RET: variants seen among roughly 807,000 people sequenced by gnomAD.
RET encodes proto-oncogene tyrosine-protein kinase receptor Ret.
In RET, 19 loss-of-function variants were observed where a neutral mutation model predicts 118.3. That is an observed-to-expected ratio of 0.16 (90% CI 0.11 to 0.24). RET has a LOEUF of 0.24. RET is among the 10% of genes least tolerant of loss of function. The pLI, the probability that RET is intolerant of heterozygous loss-of-function variation, is 1.00. For missense variants in RET, 1,219 were observed against 1,502.1 expected, an observed-to-expected ratio of 0.81 and a Z score of 3.12; for synonymous variants, 597 against 644.1, an observed-to-expected ratio of 0.93 and a Z score of 1.11.
intron 15 of RET, 143 bp downstream of exon 15, chr10:43,120,346 G>A (rs1838187518): frequency 1.6e-6 from 2 of 1,240,430 alleles, no homozygotes; most frequent in Non-Finnish European, 2.2e-6. Flanking sequence ...AAATCTTTCT[G>A]ACCCTGGGTC....
Position 43,109,164 on chromosome 10 carries a change from G to A in RET, c.1197G>A (p.Pro399=), listed in dbSNP as rs148371113. 352 of 1,613,820 alleles carry A rather than the reference G, an allele frequency of 2.2e-4. 1 individual carries two copies. The African/African-American group carries it at 3.0e-3, about 14-fold the overall frequency. Residue 399 remains proline, a synonymous_variant, in exon 6 of 20, where the codon CCG becomes CCA. Coordinates refer to ENST00000355710, the MANE Select transcript of RET (RefSeq NM_020975.6). ...LLLHFNVSVL[P]VSLHLPSTYS... is the part of the protein sequence containing the mutation. ...TCCACTTCAACGTGTCGGTGCTGCCGGTCAGCCTGCACCTGCCCAGTACCT... is the reference window on the plus strand; with the variant it reads ...TCCACTTCAACGTGTCGGTGCTGCCAGTCAGCCTGCACCTGCCCAGTACCT...
At chr10:43,125,073 C>G in intron 18 of RET, 91 bp downstream of exon 18, 1 of 1,168,736 alleles carries the variant, frequency 8.6e-7, no homozygotes, top group Non-Finnish European at 1.3e-6. Flanking sequence ...CCTCAGAGTT[C>G]CCAGTGTGGG....
At chr10:43,094,841 G>A (rs922879481) in intron 1 of RET, among the ~76,000 whole-genome samples, 1 of 152,256 alleles carries the variant, frequency 6.6e-6, no homozygotes, top group African/African-American at 2.4e-5. Flanking sequence ...GGGAGAACAA[G>A]TGTATAACAG....
At chr10:43,112,714 G>A in intron 8 of RET, 139 bp from the exon 9 acceptor site, 2 of 724,756 alleles carry the variant, frequency 2.8e-6, no homozygotes, top group Non-Finnish European at 4.9e-6. Context: ...TGCTTCCGCT[G>A]GCAAGGCTCT....
chr10:43,097,529 C>T (rs1411328729), intron 1 of RET, among the ~76,000 whole-genome samples: 1 of 152,146 alleles, frequency 6.6e-6, no homozygotes, highest in Non-Finnish European at 1.5e-5. Context: ...TAGGATGCCA[C>T]ATGGGATTGG....
chr10:43,130,270 A>G lies in RET; in HGVS notation c.*2001A>G. ...TTGTAAAATCTATTTATGAAAGGTC[A>G]TTAAACCAGATCATGTTCCTTTTTT... is the stretch of plus-strand genomic sequence containing the variant. On this transcript the variant is annotated 3_prime_UTR_variant, in exon 20 of 20. Coordinates refer to ENST00000355710, the MANE Select transcript of RET (RefSeq NM_020975.6). 8.2e-6 allele frequency: 3 copies of G among 368,058 alleles called. No homozygotes were observed. The Admixed American group carries it at 1.4e-4, about 17-fold the overall frequency. The allele number at this position is 368,058 out of a possible 1,614,324, so 22.8% of individuals were successfully genotyped here.
At chr10:43,128,076 T>C in intron 19 of RET, 36 bp from the exon 20 acceptor site, 1 of 1,613,532 alleles carries the variant, frequency 6.2e-7, no homozygotes, top group Non-Finnish European at 8.5e-7. Context: ...GTTTTGGTTC[T>C]TCAGTGCAGA....
At chr10:43,126,132 C>G (rs1332881774) in intron 18 of RET, among the ~76,000 whole-genome samples, 2 of 152,198 alleles carry the variant, frequency 1.3e-5, no homozygotes, top group Non-Finnish European at 2.9e-5. Context: ...GGAAAACATC[C>G]TGCAGGCTGG....
At chr10:43,095,095 G>T (rs1373601621) in intron 1 of RET, among the ~76,000 whole-genome samples, 1 of 152,186 alleles carries the variant, frequency 6.6e-6, no homozygotes, top group South Asian at 2.1e-4. Flanking sequence ...CCCCTTCCCA[G>T]CTGGGGTCAG....
intron 1 of RET, among the ~76,000 whole-genome samples, chr10:43,100,058 T>G (rs949071117): frequency 6.6e-5 from 10 of 152,250 alleles, no homozygotes; most frequent in Admixed American, 5.9e-4. Flanking sequence ...GGCGTATGTT[T>G]AGATAAAGAT....
At chr10:43,079,010 ACT>A (rs1317849204) in intron 1 of RET, among the ~76,000 whole-genome samples, 1 of 151,858 alleles carries the variant, frequency 6.6e-6, no homozygotes, top group Non-Finnish European at 1.5e-5. Flanking sequence ...TTCGAGCCGC[ACT>A]CTTGGAGCTG....
chr10:43,122,091 C>T lies in RET; in HGVS notation c.2801+75C>T, dbSNP rs936824560. On this transcript the variant is annotated intron_variant, in intron 16 of 19. Coordinates refer to ENST00000355710, the MANE Select transcript of RET (RefSeq NM_020975.6). ...ATACATGTAGTGGGGCCACGACGCC[C>T]GTCTGTGCAGCTTGGCCAGGGAATT... The T allele has an allele frequency of 3.9e-5, 46 of 1,179,220 alleles. No individual in the cohort carries two copies. In the African/African-American group the frequency reaches 5.4e-4, roughly 14 times the overall value. The allele number at this position is 1,179,220 out of a possible 1,614,324, so 73.0% of individuals were successfully genotyped here.
At chr10:43,083,092 C>G (rs1226391039) in intron 1 of RET, among the ~76,000 whole-genome samples, 1 of 152,170 alleles carries the variant, frequency 6.6e-6, no homozygotes, top group Non-Finnish European at 1.5e-5. Flanking sequence ...GGGCCTGGCC[C>G]TCCTCACCCA....
rs921197281 is a variant in RET at position 43,118,193 on chromosome 10, G to A, written c.2285-180G>A. On this transcript the variant is annotated intron_variant, in intron 12 of 19. Transcript: ENST00000355710. Reference sequence around the variant, plus strand: ...GCTCCTCAGGGTGCTTCTTCCTCAGGGTGGATGAGGCCCCTGTCCACTGAT... The same window carrying A: ...GCTCCTCAGGGTGCTTCTTCCTCAGAGTGGATGAGGCCCCTGTCCACTGAT... Among the ~76,000 whole-genome samples the A allele has an allele frequency of 3.3e-5, 5 of 152,184 alleles. No homozygotes were observed. In the South Asian group the frequency reaches 1.0e-3, roughly 32 times the overall value.
chr10:43,094,627 A>G (rs1837483178), intron 1 of RET, among the ~76,000 whole-genome samples: 1 of 152,164 alleles, frequency 6.6e-6, no homozygotes, highest in South Asian at 2.1e-4. Flanking sequence ...TGGGGGAGTG[A>G]GAGACCAAGG....
intron 10 of RET, among the ~76,000 whole-genome samples, chr10:43,113,882 G>T (rs1483304591): frequency 6.6e-6 from 1 of 152,202 alleles, no homozygotes; most frequent in Non-Finnish European, 1.5e-5. Flanking sequence ...GTTCTATGAT[G>T]GACAGGCCAG....
At chr10:43,122,048 G>A (rs769896382) in intron 16 of RET, 32 bp downstream of exon 16, 1 of 1,570,174 alleles carries the variant, frequency 6.4e-7, no homozygotes, top group Non-Finnish European at 8.8e-7. Context: ...TTGGGGTGGA[G>A]GTTACAGAAA....
In RET at chr10:43,105,089, A is replaced by G; in HGVS notation, c.763A>G (p.Met255Val). 6.2e-7 allele frequency: 1 copy of G among 1,611,824 alleles called. No individual in the cohort carries two copies. Among genetic ancestry groups the G allele is most frequent in the Non-Finnish European group, 8.5e-7 (1 of 1,179,766 alleles). Residue 255 changes from methionine (M) to valine (V), a missense_variant, in exon 4 of 20, where the codon ATG (methionine) becomes GTG (valine). This residue lies in a region of RET where 850 missense variants were observed against 969.6 expected (regional missense o/e 0.88). Coordinates refer to ENST00000355710, the MANE Select transcript of RET (RefSeq NM_020975.6). ...VHAGAREEVVMVPFPVTVYDE... is the reference protein window; with the variant it reads ...VHAGAREEVVVVPFPVTVYDE... ...CGCCGGCGCGCGCGAGGAGGTGGTG[A>G]TGGTGCCCTTCCCGGTGACCGTGTA... is the stretch of plus-strand genomic sequence containing the variant.
At chr10:43,095,363 C>G (rs925742486) in intron 1 of RET, among the ~76,000 whole-genome samples, 6 of 152,174 alleles carry the variant, frequency 3.9e-5, no homozygotes, top group Non-Finnish European at 7.4e-5. Context: ...GAGACAGGAG[C>G]AACCCCTGGC....
Sources: gnomAD v4.1 joint callset for allele counts (sites outside exome capture counted in the v4.1 genomes callset) on GRCh38, gnomAD v4.1.1 for gene constraint, gnomAD v4.1.1 regional missense constraint, MANE v1.5 for transcripts, NCBI Gene and HGNC (gene_info 2026-07-23, HGNC 2026-07-21) for gene names.